PRDM10: variants seen among roughly 807,000 people sequenced by gnomAD.
The protein encoded by PRDM10 is PR domain zinc finger protein 10.
Under a neutral mutation model 133.1 loss-of-function variants are expected in PRDM10, and 65 were observed. The observed-to-expected ratio is 0.49, with a 90% CI of 0.40 to 0.60. The LOEUF (loss-of-function observed/expected upper bound fraction) is 0.60, where lower values mean the gene tolerates loss of function less well. Ranked by LOEUF, PRDM10 falls within the 20% of genes least tolerant of loss-of-function variation. The pLI, the probability that PRDM10 is intolerant of heterozygous loss-of-function variation, is 0.00. For missense variants in PRDM10, 1,137 were observed against 1,507.1 expected, an observed-to-expected ratio of 0.75 and a Z score of 4.07; for synonymous variants, 582 against 580.4, an observed-to-expected ratio of 1.00 and a Z score of -0.04.
intron 4 of PRDM10, among the ~76,000 whole-genome samples, chr11:129,948,853 G>A (rs1166448901): frequency 2.0e-5 from 3 of 152,100 alleles, no homozygotes; most frequent in East Asian, 1.9e-4. Context: ...CGTTGGCCAC[G>A]TTGCTCTACT....
At position 129,914,931 on chromosome 11, in the gene PRDM10, T is replaced by C. The variant is rs371498835; in HGVS notation, c.2614A>G (p.Ile872Val). The C allele has an allele frequency of 1.9e-6, 3 of 1,614,172 alleles. No homozygotes were observed. Among genetic ancestry groups the C allele is most frequent in the Non-Finnish European group, 1.7e-6 (2 of 1,180,020 alleles). ...TIHTPLTTAVISATPAVLTTD... is the reference protein window; with the variant it reads ...TIHTPLTTAVVSATPAVLTTD... Reference sequence around the variant, plus strand: ...GTCAAAACCGCTGGGGTGGCACTGATCACAGCTGTCGTCAGTGGTGTGTGT... The same window carrying C: ...GTCAAAACCGCTGGGGTGGCACTGACCACAGCTGTCGTCAGTGGTGTGTGT... The change falls in exon 17 of 21, where the codon ATC (isoleucine) becomes GTC (valine). Residue 872 changes from isoleucine (I) to valine (V), a missense_variant. Transcript: ENST00000360871.
chr11:129,957,535 T>C (rs1016915995), intron 3 of PRDM10, among the ~76,000 whole-genome samples: 5 of 152,136 alleles, frequency 3.3e-5, no homozygotes, highest in African/African-American at 1.2e-4. Flanking sequence ...GCCAGGCTGG[T>C]CTTGAACTCC....
At chr11:129,904,730 C>T (rs1431199990) in intron 20 of PRDM10, among the ~76,000 whole-genome samples, 1 of 151,962 alleles carries the variant, frequency 6.6e-6, no homozygotes, top group Non-Finnish European at 1.5e-5. Flanking sequence ...GAACTCCTGA[C>T]CTCAAGTGAT....
At position 129,964,161 on chromosome 11, in the gene PRDM10, G is replaced by T. The variant is rs1951858347; in HGVS notation, c.-118-3079C>A. On this transcript the variant is annotated intron_variant, in intron 1 of 20. Coordinates refer to ENST00000360871, the MANE Select transcript of PRDM10 (RefSeq NM_199437.2). ...GTTTCCTTCAGCTTGGCTCACTGAT[G>T]GCACAAATGCGCAGGCGTGTACTAT... Among the ~76,000 whole-genome samples the T allele has an allele frequency of 2.6e-5, 4 of 152,268 alleles. No individual in the cohort carries two copies. The South Asian group carries it at 8.3e-4, about 32-fold the overall frequency.
intron 17 of PRDM10, 197 bp downstream of exon 17, chr11:129,914,507 T>G: frequency 1.3e-6 from 1 of 775,888 alleles, no homozygotes; most frequent in South Asian, 1.5e-5. Context: ...TCCTGACTAC[T>G]ATAGACAGAA....
At chr11:129,910,780 T>A in intron 18 of PRDM10, 124 bp from the exon 19 acceptor site, 1 of 973,648 alleles carries the variant, frequency 1.0e-6, no homozygotes, top group Admixed American at 3.5e-5. Flanking sequence ...TCGTTGCTAT[T>A]TTTTTTTTCT....
intron 1 of PRDM10, among the ~76,000 whole-genome samples, chr11:129,999,086 G>A (rs763456063): frequency 6.6e-6 from 1 of 152,034 alleles, no homozygotes; most frequent in Non-Finnish European, 1.5e-5. Context: ...GCCTCCCAGA[G>A]TACTGGGATT....
intron 1 of PRDM10, among the ~76,000 whole-genome samples, chr11:129,980,674 A>G (rs1938053550): frequency 2.0e-5 from 3 of 152,184 alleles, no homozygotes; most frequent in African/African-American, 7.2e-5. Flanking sequence ...GTATTGATCC[A>G]TGCTACAACA....
chr11:129,921,087 G>A (rs867497644), intron 13 of PRDM10, among the ~76,000 whole-genome samples: 18 of 152,154 alleles, frequency 1.2e-4, no homozygotes, highest in Admixed American at 8.5e-4. Flanking sequence ...GTGAGCCACC[G>A]CACCCGGCCA....
intron 7 of PRDM10, 107 bp downstream of exon 7, chr11:129,942,319 T>TC (rs878891890): frequency 4.5e-6 from 5 of 1,113,402 alleles, no homozygotes; most frequent in Non-Finnish European, 1.3e-6. Context: ...ATGACCCCCC[T>TC]CCCCCTTTTT....
In PRDM10 at chr11:129,899,839, G is replaced by C. The variant is rs1949795857; in HGVS notation, c.*2474C>G. On this transcript the variant is annotated 3_prime_UTR_variant, in exon 21 of 21. Transcript: ENST00000360871. Reference sequence around the variant, plus strand: ...ATAAATGTTCACATTTAAATAACAGGATAGGGTCAACATTTTCAACCAGTG... The same window carrying C: ...ATAAATGTTCACATTTAAATAACAGCATAGGGTCAACATTTTCAACCAGTG... The C allele has an allele frequency of 6.6e-6, 1 of 152,606 alleles. No homozygotes were observed. Among genetic ancestry groups the C allele is most frequent in the African/African-American group, 2.4e-5 (1 of 41,424 alleles). The allele number at this position is 152,606 out of a possible 1,614,324, so 9.5% of individuals were successfully genotyped here.
In PRDM10 at chr11:129,980,814, G is replaced by A. The variant is rs1938061353; in HGVS notation, c.-118-19732C>T. Reference sequence around the variant, plus strand: ...TAGATTAGTGATTTCTTAGGGTCAAGAGAGGATGGGAAGATGGAGAGATAG... The same window carrying A: ...TAGATTAGTGATTTCTTAGGGTCAAAAGAGGATGGGAAGATGGAGAGATAG... On this transcript the variant is annotated intron_variant, in intron 1 of 20. Coordinates refer to ENST00000360871, the MANE Select transcript of PRDM10 (RefSeq NM_199437.2). 4.0e-5 allele frequency among the ~76,000 whole-genome samples: 6 copies of A among 149,874 alleles called. No homozygotes were observed. In the South Asian group the frequency reaches 1.3e-3, roughly 32 times the overall value.
chr11:129,937,750 A>G (rs1951078844), intron 7 of PRDM10, 80 bp from the exon 8 acceptor site: 3 of 1,300,384 alleles, frequency 2.3e-6, no homozygotes, highest in East Asian at 4.8e-5. Flanking sequence ...TCTCCTGCTT[A>G]CAGGAAACAA....
At chr11:129,938,859 G>A (rs1165876339) in intron 7 of PRDM10, among the ~76,000 whole-genome samples, 1 of 152,178 alleles carries the variant, frequency 6.6e-6, no homozygotes, top group East Asian at 1.9e-4. Context: ...CTCAGCCCTT[G>A]TCAGTCTCCC....
intron 16 of PRDM10, 124 bp from the exon 17 acceptor site, chr11:129,915,142 A>C: frequency 1.1e-6 from 1 of 945,612 alleles, no homozygotes; most frequent in Non-Finnish European, 1.6e-6. Context: ...AAATCAGAGC[A>C]ACACTGACTC....
At position 129,957,867 on chromosome 11, in the gene PRDM10, T is replaced by C; in HGVS notation, c.113A>G (p.Tyr38Cys). 1.2e-6 allele frequency: 2 copies of C among 1,613,936 alleles called. No individual in the cohort carries two copies. The highest frequency in any genetic ancestry group is 1.7e-6 in the Non-Finnish European group (2 of 1,179,912). ...PDTGTVAQIV[Y>C]TDDQVRPPQQ... ...TGGGGGGCGAACCTGGTCATCGGTA[T>C]AGACAATCTGAGCCACTGTTCCTGT... is the stretch of plus-strand genomic sequence containing the variant. The change falls in exon 3 of 21, where the codon TAT (tyrosine) becomes TGT (cysteine). Residue 38 changes from tyrosine to cysteine, a missense_variant. Tyr to Cys is a radical substitution (Grantham distance 194, BLOSUM62 -2). This residue lies in a region of PRDM10 where 635 missense variants were observed against 835.2 expected (regional missense o/e 0.76). Coordinates refer to ENST00000360871, the MANE Select transcript of PRDM10 (RefSeq NM_199437.2).
chr11:129,933,326 C>A (rs554265080), intron 9 of PRDM10, among the ~76,000 whole-genome samples: 4 of 152,314 alleles, frequency 2.6e-5, no homozygotes, highest in African/African-American at 9.6e-5. Flanking sequence ...CCAATTCCAA[C>A]ATTTTTCAAA....
chr11:129,964,180 G>T (rs1951858799), intron 1 of PRDM10, among the ~76,000 whole-genome samples: 2 of 152,194 alleles, frequency 1.3e-5, no homozygotes, highest in African/African-American at 4.8e-5. Context: ...GCGCAGGCGT[G>T]TACTATGCTA....
intron 1 of PRDM10, among the ~76,000 whole-genome samples, chr11:129,977,586 AT>A (rs928550899): frequency 2.6e-5 from 4 of 151,744 alleles, no homozygotes; most frequent in African/African-American, 7.3e-5. Flanking sequence ...CCAGCCTAAC[AT>A]TTTTTTTAAT....
Sources: gnomAD v4.1 joint callset for allele counts (sites outside exome capture counted in the v4.1 genomes callset) on GRCh38, gnomAD v4.1.1 for gene constraint, gnomAD v4.1.1 regional missense constraint, MANE v1.5 for transcripts, NCBI Gene and HGNC (gene_info 2026-07-23, HGNC 2026-07-21) for gene names.